ALDH18A1: variants seen among roughly 807,000 people sequenced by gnomAD.
ALDH18A1 encodes the protein delta-1-pyrroline-5-carboxylate synthase.
Under a neutral mutation model 88.8 loss-of-function variants are expected in ALDH18A1, and 44 were observed. The observed-to-expected ratio is 0.50, with a 90% CI of 0.39 to 0.64. ALDH18A1 has a LOEUF of 0.64. ALDH18A1 is among the 30% of genes least tolerant of loss of function. ALDH18A1 has a pLI of 0.00. For synonymous variants in ALDH18A1, 331 were observed against 372.1 expected, an observed-to-expected ratio of 0.89 and a Z score of 1.27; for missense variants, 782 against 1,009.5, an observed-to-expected ratio of 0.77 and a Z score of 3.05.
At chr10:95,612,762 C>G (rs1038046173) in intron 15 of ALDH18A1, among the ~76,000 whole-genome samples, 4 of 152,226 alleles carry the variant, frequency 2.6e-5, no homozygotes, top group Admixed American at 6.5e-5. Context: ...CCTGTCTAAT[C>G]CAGTTCACTG....
intron 13 of ALDH18A1, among the ~76,000 whole-genome samples, chr10:95,615,925 C>T (rs531132950): frequency 6.6e-5 from 10 of 152,254 alleles, no homozygotes; most frequent in Admixed American, 2.0e-4. Flanking sequence ...ACTGCTGTGA[C>T]GATCAAATGA....
At chr10:95,631,849 C>T (rs1190487605) in intron 7 of ALDH18A1, among the ~76,000 whole-genome samples, 4 of 151,324 alleles carry the variant, frequency 2.6e-5, no homozygotes, top group African/African-American at 9.7e-5. Flanking sequence ...AGGGGCCTTA[C>T]TTTGGAAAAC....
At chr10:95,609,981 G>A (rs577749059) in intron 17 of ALDH18A1, among the ~76,000 whole-genome samples, 7 of 151,996 alleles carry the variant, frequency 4.6e-5, no homozygotes, top group Admixed American at 6.6e-5. Flanking sequence ...TGTTGGCCAC[G>A]CTGGTCTCGA....
chr10:95,612,740 G>C (rs1251878922), intron 15 of ALDH18A1, among the ~76,000 whole-genome samples: 1 of 152,202 alleles, frequency 6.6e-6, no homozygotes, highest in Non-Finnish European at 1.5e-5. Context: ...CTGGCTAAAG[G>C]AGAGCTTTCC....
rs542507274 is a variant in ALDH18A1, at chr10:95,639,160, C to T, written c.304-1724G>A. ...CAGCCTGAGCAAAATAGTAAGACCCCATATCTATGAAAAATTAAAAAAAAT... is the reference window on the plus strand; with the variant it reads ...CAGCCTGAGCAAAATAGTAAGACCCTATATCTATGAAAAATTAAAAAAAAT... On this transcript the variant is annotated intron_variant, in intron 3 of 17. Coordinates refer to ENST00000371224, the MANE Select transcript of ALDH18A1 (RefSeq NM_002860.4). Among the ~76,000 whole-genome samples the T allele has an allele frequency of 7.4e-4, 113 of 151,958 alleles. 1 individual carries two copies. Among genetic ancestry groups the T allele is most frequent in the Admixed American group, 1.7e-3 (26 of 15,260 alleles).
At position 95,606,833 on chromosome 10, in the gene ALDH18A1, C is replaced by T. The variant is rs1313810512; in HGVS notation, c.2317G>A (p.Asp773Asn). 1 of 1,614,206 alleles carries T rather than the reference C, an allele frequency of 6.2e-7. No individual in the cohort carries two copies. The highest frequency in any genetic ancestry group is 2.2e-5 in the East Asian group (1 of 44,892). ...TTTAAACTTCCATGCTCTGAGAAAT[C>T]TGAGACCACGTGGTCCTTCCCTCGC... The part of the protein sequence containing the change: ...LLRGKDHVVS[D>N]FSEHGSLKYL... Residue 773 changes from aspartate (D) to asparagine (N), a missense_variant, in exon 18 of 18, where the codon GAT becomes AAT. Physicochemically the swap from Asp to Asn is conservative, Grantham distance 23. This residue lies in a region of ALDH18A1 where 556 missense variants were observed against 654.5 expected (regional missense o/e 0.85). Coordinates refer to ENST00000371224, the MANE Select transcript of ALDH18A1 (RefSeq NM_002860.4).
chr10:95,623,731 A>G (rs1045609768), intron 11 of ALDH18A1, among the ~76,000 whole-genome samples: 22 of 152,198 alleles, frequency 1.4e-4, no homozygotes, highest in African/African-American at 5.3e-4. Context: ...AAGCCCGGCT[A>G]ATTTTGTATT....
intron 10 of ALDH18A1, 139 bp from the exon 11 acceptor site, chr10:95,625,594 C>A (rs1382345841): frequency 2.9e-6 from 2 of 698,952 alleles, no homozygotes; most frequent in East Asian, 2.7e-5. Context: ...AATCTCCTGA[C>A]TTCCCATCAC....
chr10:95,637,915 C>T (rs139795455), intron 3 of ALDH18A1, among the ~76,000 whole-genome samples: 2,272 of 152,002 alleles, frequency 0.015, 28 homozygotes, highest in Middle Eastern at 0.045. Context: ...AACCCATGAT[C>T]GCACCACCAC....
At chr10:95,628,639 A>G in intron 7 of ALDH18A1, 147 bp from the exon 8 acceptor site, 1 of 934,478 alleles carries the variant, frequency 1.1e-6, no homozygotes, top group South Asian at 1.5e-5. Context: ...GAAAAAGAGA[A>G]CAAGGGATTC....
At position 95,642,992 on chromosome 10, in the gene ALDH18A1, C is replaced by T. The variant is rs758246883; in HGVS notation, c.303G>A (p.Gln101=). ...ALGRLASIVE[Q]VSVLQNQGRE... is the part of the protein sequence containing the mutation. ...GCATAATTTCTATCTTGGCAATCAC[C>T]TGCTCAACAATAGATGCCAAGCGCC... Residue 101 remains glutamine, a splice_region_variant and synonymous_variant, in exon 3 of 18, where the codon CAG becomes CAA. Transcript: ENST00000371224. 6.2e-7 allele frequency: 1 copy of T among 1,613,176 alleles called. No homozygotes were observed. Among genetic ancestry groups the T allele is most frequent in the Admixed American group, 1.7e-5 (1 of 60,022 alleles).
At chr10:95,627,030 T>G (rs1566018083) in intron 9 of ALDH18A1, among the ~76,000 whole-genome samples, 2 of 152,230 alleles carry the variant, frequency 1.3e-5, no homozygotes, top group East Asian at 3.8e-4. Flanking sequence ...CTTTGTTTTC[T>G]AGAATTCTTC....
chr10:95,625,329 C>A (rs1278154674), intron 11 of ALDH18A1, 33 bp downstream of exon 11: 2 of 1,587,084 alleles, frequency 1.3e-6, no homozygotes, highest in South Asian at 2.2e-5. Context: ...CACACCCCTC[C>A]ACAACATTGA....
At chr10:95,641,499 GT>G (rs35183969) in intron 3 of ALDH18A1, among the ~76,000 whole-genome samples, 16 of 76,404 alleles carry the variant, frequency 2.1e-4, no homozygotes, top group South Asian at 4.3e-4. Flanking sequence ...GGTGTTTTTT[GT>G]TTTTTTTTTT....
At chr10:95,619,489 A>C (rs1000810870) in intron 12 of ALDH18A1, among the ~76,000 whole-genome samples, 6 of 152,226 alleles carry the variant, frequency 3.9e-5, no homozygotes, top group African/African-American at 1.4e-4. Context: ...AGACAATCCT[A>C]AGCAAAAAGA....
chr10:95,618,072 C>A (rs547161570), intron 12 of ALDH18A1, among the ~76,000 whole-genome samples: 2 of 152,168 alleles, frequency 1.3e-5, no homozygotes, highest in East Asian at 3.9e-4. Context: ...TAAAGAGGTG[C>A]TAGTTTTTTG....
chr10:95,633,523 C>A lies in ALDH18A1; in HGVS notation c.685G>T (p.Ala229Ser). 6.2e-7 allele frequency: 1 copy of A among 1,614,150 alleles called. No homozygotes were observed. Among genetic ancestry groups the A allele is most frequent in the Non-Finnish European group, 8.5e-7 (1 of 1,180,030 alleles). Residue 229 changes from alanine to serine, a missense_variant, in exon 6 of 18, where the codon GCT becomes TCT. By Grantham distance (99) the Ala-to-Ser change is moderately conservative. Transcript: ENST00000371224. ...VNTNDAVVPP[A>S]EPNSDLQGVN... is the part of the protein sequence containing the mutation. Reference sequence around the variant, plus strand: ...CCCTGCAGGTCACTGTTGGGCTCAGCTGGGGGGACAACAGCATCATTTGTG... The same window carrying A: ...CCCTGCAGGTCACTGTTGGGCTCAGATGGGGGGACAACAGCATCATTTGTG...
At chr10:95,612,833 C>T (rs2097837672) in intron 15 of ALDH18A1, among the ~76,000 whole-genome samples, 1 of 152,190 alleles carries the variant, frequency 6.6e-6, no homozygotes, top group Non-Finnish European at 1.5e-5. Context: ...AAAGTAAGGT[C>T]CCCGAACATG....
chr10:95,653,267 C>T, intron 2 of ALDH18A1, 23 bp downstream of exon 2: 1 of 1,580,936 alleles, frequency 6.3e-7, no homozygotes, highest in African/African-American at 1.4e-5. Flanking sequence ...CCCACATACT[C>T]ATAAGTTTTC....
Sources: allele counts gnomAD v4.1 joint callset (sites outside exome capture counted in the v4.1 genomes callset), GRCh38; gene constraint gnomAD v4.1.1; regional missense constraint gnomAD v4.1.1; transcripts MANE v1.5; gene names NCBI Gene and HGNC (gene_info 2026-07-23, HGNC 2026-07-21).